The following CHODL variants were observed in gnomAD, a reference collection of about 807,000 sequenced individuals.
The protein encoded by CHODL is transmembrane protein MT75.
CHODL carries 29 observed loss-of-function variants against 34.5 expected under a neutral mutation model. The observed-to-expected ratio is 0.84, with a 90% CI of 0.63 to 1.15. CHODL has a LOEUF of 1.15. Ranked by LOEUF, CHODL falls within the 50% of genes most tolerant of loss-of-function variation. The probability of loss-of-function intolerance (pLI) is 0.00; values close to 1 mark genes in which losing one functional copy is unlikely to be tolerated. For synonymous variants in CHODL, 125 were observed against 116.1 expected (o/e 1.08, Z -0.49); for missense variants, 332 against 332.5 (o/e 1.00, Z 0.01).
intron 1 of CHODL, among the ~76,000 whole-genome samples, chr21:17,931,616 G>A (rs2063274210): frequency 6.6e-6 from 1 of 151,982 alleles, no homozygotes; most frequent in Non-Finnish European, 1.5e-5. Context: ...AGCTCAATGA[G>A]GTCCAAGAGA....
At chr21:17,947,243 C>A (rs2063418017) in intron 1 of CHODL, among the ~76,000 whole-genome samples, 1 of 151,968 alleles carries the variant, frequency 6.6e-6, no homozygotes, top group African/African-American at 2.4e-5. Context: ...AATTAAAGAA[C>A]ATGCTCCTTA....
At chr21:18,254,199 A>G (rs1015590239) in intron 1 of CHODL, among the ~76,000 whole-genome samples, 2 of 151,992 alleles carry the variant, frequency 1.3e-5, no homozygotes, top group Admixed American at 6.6e-5. Context: ...CTGACTACTG[A>G]CAACTTTTAT....
intron 1 of CHODL, among the ~76,000 whole-genome samples, chr21:17,945,128 C>T (rs888590727): frequency 1.2e-4 from 18 of 150,682 alleles, no homozygotes; most frequent in African/African-American, 3.4e-4. Context: ...AGGAGAATGG[C>T]GTGAACCTGG....
At chr21:18,034,316 A>G (rs2064283540) in intron 2 of CHODL, among the ~76,000 whole-genome samples, 1 of 152,040 alleles carries the variant, frequency 6.6e-6, no homozygotes, top group African/African-American at 2.4e-5. Flanking sequence ...CCTGAAATAC[A>G]TAGTAATTGA....
rs1365636379 is a variant in CHODL at position 18,176,958 on chromosome 21, A to G, written c.-44-79551A>G. 2.0e-5 allele frequency among the ~76,000 whole-genome samples: 3 copies of G among 152,182 alleles called. No homozygotes were observed. The East Asian group carries it at 5.8e-4, about 29-fold the overall frequency. On this transcript the variant is annotated intron_variant, in intron 2 of 6. Coordinates refer to the CHODL transcript ENST00000400127. Reference sequence around the variant, plus strand: ...CAACATTCATTGCAGAAAGAAGATAAAACTTAATTATAGGTTGTTGGGGTA... The same window carrying G: ...CAACATTCATTGCAGAAAGAAGATAGAACTTAATTATAGGTTGTTGGGGTA...
chr21:18,072,495 A>G (rs1200851918), intron 2 of CHODL, among the ~76,000 whole-genome samples: 1 of 152,134 alleles, frequency 6.6e-6, no homozygotes, highest in African/African-American at 2.4e-5. Context: ...TTAGGAGAAG[A>G]CTCTAGTTAA....
At chr21:18,182,184 C>T (rs1370810995) in intron 2 of CHODL, among the ~76,000 whole-genome samples, 2 of 152,024 alleles carry the variant, frequency 1.3e-5, no homozygotes, top group African/African-American at 2.4e-5. Flanking sequence ...CAGCAACATA[C>T]GGTATCAATT....
intron 2 of CHODL, among the ~76,000 whole-genome samples, chr21:18,223,473 C>T (rs1341904531): frequency 6.6e-6 from 1 of 152,132 alleles, no homozygotes; most frequent in East Asian, 1.9e-4. Flanking sequence ...AACCAGAATG[C>T]TAAGATCAAT....
chr21:17,940,701 C>A (rs749505033), intron 1 of CHODL, among the ~76,000 whole-genome samples: 3 of 152,132 alleles, frequency 2.0e-5, no homozygotes, highest in Non-Finnish European at 4.4e-5. Flanking sequence ...TAAAAGAATG[C>A]GTAGCATGGT....
intron 2 of CHODL, among the ~76,000 whole-genome samples, chr21:18,148,765 T>C (rs2072929545): frequency 1.3e-5 from 2 of 150,142 alleles, no homozygotes; most frequent in Non-Finnish European, 3.0e-5. Flanking sequence ...GTTGCTGATA[T>C]AAGAAATCTT....
chr21:18,188,568 G>A (rs2073472234), intron 2 of CHODL, among the ~76,000 whole-genome samples: 1 of 152,210 alleles, frequency 6.6e-6, no homozygotes, highest in African/African-American at 2.4e-5. Context: ...ATGCCACATT[G>A]CTGTCTGGGA....
intron 2 of CHODL, among the ~76,000 whole-genome samples, chr21:18,141,927 C>A (rs573455604): frequency 6.6e-5 from 10 of 151,936 alleles, no homozygotes; most frequent in Non-Finnish European, 1.0e-4. Context: ...GTGAACTGAC[C>A]GGTGCTTCAC....
At chr21:18,216,921 C>T (rs1249525951) in intron 2 of CHODL, among the ~76,000 whole-genome samples, 1 of 152,100 alleles carries the variant, frequency 6.6e-6, no homozygotes, top group East Asian at 1.9e-4. Flanking sequence ...TCCCATGACA[C>T]GTGGAGATTA....
At chr21:18,220,110 T>A (rs535179927) in intron 2 of CHODL, among the ~76,000 whole-genome samples, 88 of 152,314 alleles carry the variant, frequency 5.8e-4, no homozygotes, top group African/African-American at 2.0e-3. Context: ...TTTTTGTATA[T>A]GATAGTCCAT....
chr21:17,929,131 A>G (rs1218606109), intron 1 of CHODL, among the ~76,000 whole-genome samples: 2 of 152,236 alleles, frequency 1.3e-5, no homozygotes, highest in East Asian at 3.8e-4. Flanking sequence ...AAAATCCATT[A>G]TAGAAACAAT....
At chr21:18,192,974 A>G (rs1233920404) in intron 2 of CHODL, among the ~76,000 whole-genome samples, 1 of 152,168 alleles carries the variant, frequency 6.6e-6, no homozygotes, top group Non-Finnish European at 1.5e-5. Context: ...TGGAAGAAAA[A>G]TTACTTTTAT....
At chr21:17,964,036 T>C (rs2063553049) in intron 1 of CHODL, among the ~76,000 whole-genome samples, 1 of 152,192 alleles carries the variant, frequency 6.6e-6, no homozygotes, top group Non-Finnish European at 1.5e-5. Context: ...TCATACCCTA[T>C]TATTTGTCTT....
chr21:18,262,801 C>T lies in CHODL; in HGVS notation c.645C>T (p.Pro215=), dbSNP rs1249796354. Residue 215 remains proline (P), a synonymous_variant, in exon 5 of 6, where the codon CCC becomes CCT. Coordinates refer to ENST00000299295, the MANE Select transcript of CHODL (RefSeq NM_024944.3). ...TGTTTTATTTTGTAGGTATAATTCC[C>T]AATCTAATTTATGTTGTTATACCAA... is the stretch of plus-strand genomic sequence containing the variant. The part of the protein sequence containing the change: ...NVVVTEAGII[P]NLIYVVIPTI... 6.3e-7 allele frequency: 1 copy of T among 1,578,650 alleles called. No homozygotes were observed. The highest frequency in any genetic ancestry group is 1.7e-5 in the Admixed American group (1 of 59,744).
intron 1 of CHODL, among the ~76,000 whole-genome samples, chr21:17,939,483 G>A (rs4818394): frequency 0.77 from 117,498 of 152,136 alleles, 45,980 homozygotes; most frequent in East Asian, 0.98. Context: ...TCATCTGTCA[G>A]TGAACATTAA....
Sources: gnomAD v4.1 joint callset for allele counts (sites outside exome capture counted in the v4.1 genomes callset) on GRCh38, gnomAD v4.1.1 for gene constraint, MANE v1.5 for transcripts, NCBI Gene and HGNC (gene_info 2026-07-23, HGNC 2026-07-21) for gene names.